Variants in CNTNAP2 observed in about 807,000 individuals in gnomAD.
The protein encoded by CNTNAP2 is contactin-associated protein-like 2.
A neutral mutation model predicts 155.2 loss-of-function variants in CNTNAP2; 98 were observed. That is an observed-to-expected ratio of 0.63 (90% CI 0.54 to 0.75). CNTNAP2 has a LOEUF of 0.75. Ranked by LOEUF, CNTNAP2 falls within the 30% of genes least tolerant of loss-of-function variation. CNTNAP2 has a pLI of 0.00. For synonymous variants in CNTNAP2, 651 were observed against 631.2 expected, an observed-to-expected ratio of 1.03 and a Z score of -0.47; for missense variants, 1,727 against 1,688.1, an observed-to-expected ratio of 1.02 and a Z score of -0.40.
chr7:148,237,578 G>A (rs1315057105), intron 20 of CNTNAP2, among the ~76,000 whole-genome samples: 3 of 152,166 alleles, frequency 2.0e-5, no homozygotes, highest in African/African-American at 4.8e-5. Flanking sequence ...AAGACCACTG[G>A]AGAAGACTCA....
intron 10 of CNTNAP2, among the ~76,000 whole-genome samples, chr7:147,454,951 C>G (rs1300409872): frequency 6.6e-6 from 1 of 152,078 alleles, no homozygotes; most frequent in Non-Finnish European, 1.5e-5. Context: ...TTGACAGGAT[C>G]ATGGTCTTTA....
chr7:147,992,973 A>C (rs1036736860), intron 15 of CNTNAP2, among the ~76,000 whole-genome samples: 1 of 152,252 alleles, frequency 6.6e-6, no homozygotes, highest in Non-Finnish European at 1.5e-5. Flanking sequence ...ACTGAATAGG[A>C]TACAAAGTAG....
chr7:148,323,006 T>TA (rs1343292828), intron 21 of CNTNAP2, among the ~76,000 whole-genome samples: 1 of 152,160 alleles, frequency 6.6e-6, no homozygotes, highest in Non-Finnish European at 1.5e-5. Flanking sequence ...AAATTCTTAG[T>TA]GGCATTCATT....
chr7:146,803,621 T>A (rs1277594730), intron 2 of CNTNAP2, among the ~76,000 whole-genome samples: 1 of 152,156 alleles, frequency 6.6e-6, no homozygotes, highest in Non-Finnish European at 1.5e-5. Flanking sequence ...GTGCCAGGAA[T>A]TAGTCTAGCA....
At chr7:148,067,085 C>T (rs1015039722) in intron 15 of CNTNAP2, among the ~76,000 whole-genome samples, 2 of 152,002 alleles carry the variant, frequency 1.3e-5, no homozygotes, top group Admixed American at 6.6e-5. Context: ...ATCAACCTAC[C>T]GAATTATTTT....
chr7:146,400,490 A>G (rs1795698648), intron 1 of CNTNAP2, among the ~76,000 whole-genome samples: 1 of 152,252 alleles, frequency 6.6e-6, no homozygotes, highest in Admixed American at 6.5e-5. Flanking sequence ...ATAATTGAGA[A>G]GTAAGGCTGT....
chr7:147,343,686 C>A (rs12703906), intron 9 of CNTNAP2, among the ~76,000 whole-genome samples: 1 of 151,890 alleles, frequency 6.6e-6, no homozygotes, highest in Non-Finnish European at 1.5e-5. Context: ...AATGATAATA[C>A]TGATCTTGGA....
chr7:147,208,735 G>A (rs1210859746), intron 8 of CNTNAP2, among the ~76,000 whole-genome samples: 1 of 151,916 alleles, frequency 6.6e-6, no homozygotes, highest in African/African-American at 2.4e-5. Flanking sequence ...CTGTGTGTAT[G>A]ATTATGAAGG....
intron 15 of CNTNAP2, among the ~76,000 whole-genome samples, chr7:148,044,896 T>C (rs1802749363): frequency 6.6e-6 from 1 of 152,186 alleles, no homozygotes; most frequent in Admixed American, 6.5e-5. Context: ...TCTTACTATG[T>C]TGCCCAGACT....
At chr7:146,698,859 G>A (rs1482293577) in intron 1 of CNTNAP2, among the ~76,000 whole-genome samples, 1 of 151,934 alleles carries the variant, frequency 6.6e-6, no homozygotes, top group Non-Finnish European at 1.5e-5. Context: ...AGTTCCTATT[G>A]ACATATCTTC....
intron 15 of CNTNAP2, among the ~76,000 whole-genome samples, chr7:148,028,754 T>A (rs1444388645): frequency 1.3e-5 from 2 of 152,122 alleles, no homozygotes; most frequent in Non-Finnish European, 2.9e-5. Flanking sequence ...TTCCTGTGCA[T>A]CCCAAGGTCA....
At chr7:147,733,512 G>A (rs867493567) in intron 13 of CNTNAP2, among the ~76,000 whole-genome samples, 20 of 152,180 alleles carry the variant, frequency 1.3e-4, no homozygotes, top group South Asian at 1.0e-3. Flanking sequence ...GGCTCTTTTT[G>A]GTTCCATATG....
At chr7:147,552,861 C>T (rs1023249401) in intron 11 of CNTNAP2, among the ~76,000 whole-genome samples, 1 of 152,148 alleles carries the variant, frequency 6.6e-6, no homozygotes, top group Non-Finnish European at 1.5e-5. Context: ...TAAATAATTG[C>T]TTTGAGCAGA....
At chr7:146,831,590 C>T (rs1225261055) in intron 2 of CNTNAP2, among the ~76,000 whole-genome samples, 2 of 146,304 alleles carry the variant, frequency 1.4e-5, no homozygotes, top group South Asian at 2.2e-4. Flanking sequence ...GCAGGAGAAT[C>T]GCTTGAACCC....
At chr7:146,620,016 T>C (rs1023715795) in intron 1 of CNTNAP2, among the ~76,000 whole-genome samples, 1 of 152,220 alleles carries the variant, frequency 6.6e-6, no homozygotes, top group Non-Finnish European at 1.5e-5. Flanking sequence ...ATTTCAAAAA[T>C]GTTCATATAG....
rs554850003 is a variant in CNTNAP2, at chr7:147,869,455, A to G, written c.2099-34110A>G. ...TGTGTTAAGAGAATGAGAATTTCAAAGTACAACTACTGAAAAAGCCAAATT... is the reference window on the plus strand; with the variant it reads ...TGTGTTAAGAGAATGAGAATTTCAAGGTACAACTACTGAAAAAGCCAAATT... On this transcript the variant is annotated intron_variant, in intron 13 of 23. Transcript: ENST00000361727. Among the ~76,000 whole-genome samples the G allele has an allele frequency of 2.6e-5, 4 of 152,392 alleles. No homozygotes were observed. The East Asian group carries it at 7.7e-4, about 29-fold the overall frequency.
At chr7:147,435,217 T>C (rs866539692) in intron 10 of CNTNAP2, among the ~76,000 whole-genome samples, 3 of 152,136 alleles carry the variant, frequency 2.0e-5, no homozygotes, top group African/African-American at 7.2e-5. Context: ...TCACAATAAA[T>C]GAGTAGAGCC....
chr7:147,294,729 G>A (rs1222321975), intron 8 of CNTNAP2, among the ~76,000 whole-genome samples: 1 of 151,934 alleles, frequency 6.6e-6, no homozygotes, highest in African/African-American at 2.4e-5. Flanking sequence ...CACGATCTCA[G>A]CTTGCTGCAA....
intron 21 of CNTNAP2, among the ~76,000 whole-genome samples, chr7:148,371,381 C>T (rs1798884563): frequency 6.6e-6 from 1 of 152,132 alleles, no homozygotes; most frequent in African/African-American, 2.4e-5. Context: ...TTCTGCTAAA[C>T]TGTATTTAGT....
Sources: gnomAD v4.1 joint callset for allele counts (sites outside exome capture counted in the v4.1 genomes callset) on GRCh38, gnomAD v4.1.1 for gene constraint, MANE v1.5 for transcripts, NCBI Gene and HGNC (gene_info 2026-07-23, HGNC 2026-07-21) for gene names.